LTBP1: variants seen among roughly 807,000 people sequenced by gnomAD.
LTBP1 encodes latent-transforming growth factor beta-binding protein 1.
A neutral mutation model predicts 207.6 loss-of-function variants in LTBP1; 129 were observed. That is an observed-to-expected ratio of 0.62 (90% confidence interval 0.54 to 0.72). The LOEUF (loss-of-function observed/expected upper bound fraction) is 0.72. LTBP1 is among the 30% of genes least tolerant of loss of function. The pLI is 0.00. For synonymous variants in LTBP1, 963 were observed against 833.7 expected, an observed-to-expected ratio of 1.16 and a Z score of -2.67; for missense variants, 2,281 against 2,217.2, an observed-to-expected ratio of 1.03 and a Z score of -0.58.
intron 8 of LTBP1, among the ~76,000 whole-genome samples, chr2:33,219,658 C>T (rs1056039108): frequency 7.2e-5 from 11 of 152,050 alleles, no homozygotes; most frequent in African/African-American, 2.7e-4. Flanking sequence ...AAGTTAGGTT[C>T]ATAGAACTTT....
At chr2:32,968,369 A>G (rs1045386235) in intron 2 of LTBP1, among the ~76,000 whole-genome samples, 1 of 152,176 alleles carries the variant, frequency 6.6e-6, no homozygotes, top group Non-Finnish European at 1.5e-5. Context: ...TATTATATGT[A>G]ATGCTCCCCT....
At chr2:33,175,927 T>G (rs1386996170) in intron 5 of LTBP1, among the ~76,000 whole-genome samples, 2 of 110,700 alleles carry the variant, frequency 1.8e-5, no homozygotes, top group African/African-American at 3.4e-5. Flanking sequence ...ACACCGCATA[T>G]CCTCACTCAT....
At chr2:33,338,283 T>C (rs1368908188) in intron 24 of LTBP1, among the ~76,000 whole-genome samples, 2 of 152,236 alleles carry the variant, frequency 1.3e-5, no homozygotes, top group Non-Finnish European at 2.9e-5. Context: ...GCCCAGTAAT[T>C]CATAACCAGC....
At position 32,947,285 on chromosome 2, in the gene LTBP1, C is replaced by G; in HGVS notation, c.-40C>G. The G allele has an allele frequency of 8.3e-7, 1 of 1,210,540 alleles. No homozygotes were observed. Among genetic ancestry groups the G allele is most frequent in the South Asian group, 3.9e-5 (1 of 25,714 alleles). The allele number at this position is 1,210,540 out of a possible 1,614,324, so 75.0% of individuals were successfully genotyped here. ...CGAGCCGCACGGCCGGGGGAGGGGG[C>G]CGGACCGCGCGCGACCGGTCGCGCC... On this transcript the variant is annotated 5_prime_UTR_variant, in exon 1 of 34. Transcript: ENST00000404816.
At chr2:33,344,394 C>G (rs1417086953) in intron 25 of LTBP1, among the ~76,000 whole-genome samples, 1 of 152,184 alleles carries the variant, frequency 6.6e-6, no homozygotes. Flanking sequence ...TACTTTTCAT[C>G]TTAACTTTAC....
intron 3 of LTBP1, among the ~76,000 whole-genome samples, chr2:33,028,179 C>T (rs188647483): frequency 1.1e-3 from 167 of 152,220 alleles, no homozygotes; most frequent in African/African-American, 3.8e-3. Context: ...CTGCTCACAC[C>T]GCTGGGTCTG....
intron 7 of LTBP1, among the ~76,000 whole-genome samples, chr2:33,202,022 A>AACACACACACACACACACACACACAC (rs10558832): frequency 4.1e-4 from 58 of 140,670 alleles, no homozygotes; most frequent in Admixed American, 1.9e-3. Flanking sequence ...TTAGCACTGG[A>AACACACACACACACACACACACACAC]ACACACACAC....
rs150420650 is a variant in LTBP1, at chr2:33,151,912, G to T, written c.1201+16952G>T. ...TTCTTTATCCACTCGTTGATTGATG[G>T]ACATTTGGATTGGTTCCACAATTTT... On this transcript the variant is annotated intron_variant, in intron 5 of 33. Transcript: ENST00000404816. 1.3e-3 allele frequency among the ~76,000 whole-genome samples: 202 copies of T among 149,898 alleles called. 1 individual carries two copies. The highest frequency in any genetic ancestry group is 4.8e-3 in the African/African-American group (194 of 40,656).
rs2094952150 is a variant in LTBP1 at position 33,363,700 on chromosome 2, A to G, written c.4399+182A>G. On this transcript the variant is annotated intron_variant, in intron 29 of 33. Transcript: ENST00000404816. ...AAAATAAAAAGAAAAAACCACCTCC[A>G]TACTACTGTTTGAATGTATTTCAAA... is the stretch of plus-strand genomic sequence containing the variant. 3.3e-5 allele frequency among the ~76,000 whole-genome samples: 5 copies of G among 152,302 alleles called. 1 individual carries two copies. In the South Asian group the frequency reaches 1.0e-3, roughly 32 times the overall value.
intron 5 of LTBP1, among the ~76,000 whole-genome samples, chr2:33,167,360 TC>T (rs1207302956): frequency 3.6e-5 from 5 of 140,214 alleles, no homozygotes; most frequent in Non-Finnish European, 4.7e-5. Flanking sequence ...ATTTGTACAT[TC>T]AAAAAAAAAA....
chr2:32,961,195 G>T (rs1679050834), intron 2 of LTBP1, among the ~76,000 whole-genome samples: 1 of 152,126 alleles, frequency 6.6e-6, no homozygotes, highest in African/African-American at 2.4e-5. Context: ...TATTCTCATA[G>T]CCTGACCACC....
chr2:33,045,135 A>G (rs531949157), intron 3 of LTBP1, among the ~76,000 whole-genome samples: 2 of 152,166 alleles, frequency 1.3e-5, no homozygotes, highest in Non-Finnish European at 2.9e-5. Flanking sequence ...CCATTTGTCA[A>G]TTTTGGCTTC....
At chr2:33,240,955 C>T (rs115921279) in intron 9 of LTBP1, among the ~76,000 whole-genome samples, 2,629 of 152,196 alleles carry the variant, frequency 0.017, 35 homozygotes, top group Middle Eastern at 0.085. Context: ...CGGCCAGAAA[C>T]GTTCTTAATC....
chr2:33,252,609 C>G, intron 10 of LTBP1, 68 bp from the exon 11 acceptor site: 3 of 1,423,960 alleles, frequency 2.1e-6, no homozygotes, highest in Non-Finnish European at 2.9e-6. Flanking sequence ...GTTCATTTTA[C>G]TATCATTTGG....
chr2:32,948,841 T>C (rs753207754), intron 1 of LTBP1, 34 bp from the exon 2 acceptor site: 3 of 1,603,602 alleles, frequency 1.9e-6, no homozygotes, highest in Non-Finnish European at 1.7e-6. Context: ...GGGGTCTTTC[T>C]GCTGCTGGAC....
At chr2:33,088,545 G>A (rs969321720) in intron 3 of LTBP1, among the ~76,000 whole-genome samples, 6 of 152,086 alleles carry the variant, frequency 3.9e-5, no homozygotes, top group Admixed American at 2.0e-4. Context: ...ACATGCTGAC[G>A]CCTGCATGTG....
At chr2:33,110,385 A>T (rs1302384384) in intron 3 of LTBP1, among the ~76,000 whole-genome samples, 197 bp from the exon 4 acceptor site, 3 of 152,168 alleles carry the variant, frequency 2.0e-5, no homozygotes, top group Non-Finnish European at 4.4e-5. Context: ...TTCGTGAAGG[A>T]CGCTTCTGAG....
intron 31 of LTBP1, among the ~76,000 whole-genome samples, chr2:33,378,222 T>TTTTG (rs1437302647): frequency 1.4e-5 from 2 of 141,824 alleles, no homozygotes; most frequent in Non-Finnish European, 3.0e-5. Context: ...TGTGTGTGTG[T>TTTTG]TTTGTTTGTT....
intron 13 of LTBP1, among the ~76,000 whole-genome samples, chr2:33,261,102 C>T (rs756029543): frequency 2.0e-5 from 3 of 152,128 alleles, no homozygotes; most frequent in Admixed American, 6.5e-5. Flanking sequence ...GGTCAGAAAC[C>T]GAATTAGGGA....
Sources: allele counts gnomAD v4.1 joint callset (sites outside exome capture counted in the v4.1 genomes callset), GRCh38; gene constraint gnomAD v4.1.1; transcripts MANE v1.5; gene names NCBI Gene and HGNC (gene_info 2026-07-23, HGNC 2026-07-21).